Variants in MDGA2 observed in about 807,000 individuals in gnomAD.
The protein encoded by MDGA2 is MAM domain containing glycosylphosphatidylinositol anchor 2, also known as MAM domain-containing glycosylphosphatidylinositol anchor protein 2.
Under a neutral mutation model 117.8 loss-of-function variants are expected in MDGA2, and 40 were observed. The observed-to-expected ratio is 0.34, with a 90% CI of 0.26 to 0.44. The LOEUF (loss-of-function observed/expected upper bound fraction) is 0.44. Among genes scored for constraint, MDGA2 ranks in the 20% least tolerant of loss-of-function variants. The pLI is 1.00. For missense variants in MDGA2, 1,123 were observed against 1,250.6 expected (o/e 0.90, Z 1.54); for synonymous variants, 452 against 439.0 (o/e 1.03, Z -0.37).
chr14:47,280,636 A>C (rs960486973), intron 2 of MDGA2, among the ~76,000 whole-genome samples: 9 of 152,060 alleles, frequency 5.9e-5, no homozygotes, highest in African/African-American at 2.2e-4. Context: ...GTTCATCTGC[A>C]TGCTACAGCC....
chr14:47,094,866 G>A (rs142434325), intron 6 of MDGA2, among the ~76,000 whole-genome samples: 1 of 151,948 alleles, frequency 6.6e-6, no homozygotes, highest in Non-Finnish European at 1.5e-5. Context: ...AAAAAAATGG[G>A]GTAGAGAGAG....
At chr14:47,160,364 G>A (rs1052466424) in intron 3 of MDGA2, among the ~76,000 whole-genome samples, 12 of 152,074 alleles carry the variant, frequency 7.9e-5, no homozygotes, top group South Asian at 2.1e-4. Flanking sequence ...TGCAGTTAAT[G>A]TCCAGATTAT....
intron 1 of MDGA2, among the ~76,000 whole-genome samples, chr14:47,562,689 T>G (rs549625429): frequency 6.6e-6 from 1 of 152,314 alleles, no homozygotes; most frequent in East Asian, 1.9e-4. Context: ...AGTCCTGAAT[T>G]TGTTGCTTTG....
intron 1 of MDGA2, among the ~76,000 whole-genome samples, chr14:47,553,242 G>C (rs540413557): frequency 6.6e-6 from 1 of 152,304 alleles, no homozygotes; most frequent in Admixed American, 6.5e-5. Context: ...CTTTCTGAGG[G>C]CAAAGAATTT....
intron 6 of MDGA2, among the ~76,000 whole-genome samples, chr14:47,073,442 T>C (rs1890367110): frequency 6.6e-6 from 1 of 152,208 alleles, no homozygotes; most frequent in Non-Finnish European, 1.5e-5. Flanking sequence ...AATTGATCCA[T>C]GAAACTCTGA....
chr14:47,339,324 T>C (rs1322728741), intron 1 of MDGA2, among the ~76,000 whole-genome samples: 1 of 152,150 alleles, frequency 6.6e-6, no homozygotes, highest in East Asian at 1.9e-4. Context: ...AAAGAGAACA[T>C]AATTAATAAA....
chr14:47,580,306 A>T (rs1896206152), intron 1 of MDGA2, among the ~76,000 whole-genome samples: 1 of 152,044 alleles, frequency 6.6e-6, no homozygotes, highest in Non-Finnish European at 1.5e-5. Context: ...CTATGTCCTC[A>T]TGTGGTGAAG....
Position 47,144,171 on chromosome 14 carries a change from A to G in MDGA2, c.699T>C (p.Asn233=), listed in dbSNP as rs199926061. 1 of 1,551,342 alleles carries G rather than the reference A, an allele frequency of 6.4e-7. No homozygotes were observed. Among genetic ancestry groups the G allele is most frequent in the Admixed American group, 2.0e-5 (1 of 50,976 alleles). The change falls in exon 4 of 17, where the codon AAT becomes AAC. Residue 233 remains asparagine (N), a synonymous_variant. Coordinates refer to ENST00000399232, the MANE Select transcript of MDGA2 (RefSeq NM_001113498.3). ...GTCTCCAGCTATACCGAACAGGAGG[A>G]TTGGAATTGGCAACACACCGGAGGA... ...TVFLRCVANS[N]PPVRYSWRRG...
intron 2 of MDGA2, among the ~76,000 whole-genome samples, chr14:47,278,539 C>A (rs575300864): frequency 9.9e-5 from 15 of 152,056 alleles, no homozygotes. Context: ...GACCTCAAAC[C>A]GGGTCCAAAA....
chr14:47,163,706 A>G (rs1289741773), intron 3 of MDGA2, among the ~76,000 whole-genome samples: 1 of 152,196 alleles, frequency 6.6e-6, no homozygotes, highest in Non-Finnish European at 1.5e-5. Flanking sequence ...GTGTTTCAGC[A>G]CGAGGAGGAA....
intron 1 of MDGA2, among the ~76,000 whole-genome samples, chr14:47,612,083 A>G (rs934026142): frequency 4.6e-5 from 7 of 152,170 alleles, no homozygotes; most frequent in Non-Finnish European, 1.0e-4. Flanking sequence ...TTATCTGGCA[A>G]TACTTCGCAA....
At position 47,026,428 on chromosome 14, in the gene MDGA2, T is replaced by C. The variant is rs531747139; in HGVS notation, c.1819+8583A>G. ...CTAATCAAAGACCAAAAGGCATGGG[T>C]CTTTGATTAGAAAAAATTAACTTAA... is the stretch of plus-strand genomic sequence containing the variant. On this transcript the variant is annotated intron_variant, in intron 8 of 16. Coordinates refer to ENST00000399232, the MANE Select transcript of MDGA2 (RefSeq NM_001113498.3). Among the ~76,000 whole-genome samples the C allele has an allele frequency of 2.6e-4, 39 of 152,160 alleles. No individual in the cohort carries two copies. The South Asian group carries it at 6.8e-3, about 27-fold the overall frequency.
At chr14:47,111,818 A>G (rs895435540) in intron 5 of MDGA2, among the ~76,000 whole-genome samples, 4 of 152,194 alleles carry the variant, frequency 2.6e-5, no homozygotes, top group Non-Finnish European at 5.9e-5. Context: ...ACAAAGTACA[A>G]TATTAACCTA....
At chr14:46,856,925 T>C (rs1450397403) in intron 14 of MDGA2, among the ~76,000 whole-genome samples, 1 of 152,176 alleles carries the variant, frequency 6.6e-6, no homozygotes, top group Non-Finnish European at 1.5e-5. Flanking sequence ...AATATTTTAC[T>C]TCTTCATATC....
At chr14:47,634,316 A>G (rs189844938) in intron 1 of MDGA2, among the ~76,000 whole-genome samples, 5 of 152,262 alleles carry the variant, frequency 3.3e-5, no homozygotes, top group Admixed American at 3.3e-4. Context: ...ATAAAATATC[A>G]TACAAAATAT....
chr14:47,031,091 TA>T (rs1463804971), intron 8 of MDGA2, among the ~76,000 whole-genome samples: 1 of 151,978 alleles, frequency 6.6e-6, no homozygotes, highest in Non-Finnish European at 1.5e-5. Context: ...AAAGTTTGTA[TA>T]AACATTATAA....
At chr14:47,456,710 T>G (rs1860052896) in intron 1 of MDGA2, among the ~76,000 whole-genome samples, 1 of 152,126 alleles carries the variant, frequency 6.6e-6, no homozygotes, top group Non-Finnish European at 1.5e-5. Context: ...GATAAATAAA[T>G]GCACACGATT....
chr14:47,544,769 T>C (rs1205659459), intron 1 of MDGA2, among the ~76,000 whole-genome samples: 1 of 152,102 alleles, frequency 6.6e-6, no homozygotes, highest in Non-Finnish European at 1.5e-5. Flanking sequence ...CTGTACTAGA[T>C]AATACAAAGA....
rs1888783842 is a variant in MDGA2, at chr14:47,034,783, T to C, written c.1819+228A>G. 1.3e-5 allele frequency among the ~76,000 whole-genome samples: 2 copies of C among 151,734 alleles called. 1 individual carries two copies. Among genetic ancestry groups the C allele is most frequent in the Admixed American group, 1.3e-4 (2 of 15,198 alleles). ...ACACACACACACTAAAACAACTCTT[T>C]CTATTAGTGTGTATAAGCTCATGCA... On this transcript the variant is annotated intron_variant, in intron 8 of 16. Transcript: ENST00000399232.
Sources: gnomAD v4.1 joint callset for allele counts (sites outside exome capture counted in the v4.1 genomes callset) on GRCh38, gnomAD v4.1.1 for gene constraint, MANE v1.5 for transcripts, NCBI Gene and HGNC (gene_info 2026-07-23, HGNC 2026-07-21) for gene names.